The following TRHDE variants were observed in gnomAD, a reference collection of about 807,000 sequenced individuals.
The protein encoded by TRHDE is thyrotropin releasing hormone degrading enzyme.
In TRHDE, 72 loss-of-function variants were observed where a neutral mutation model predicts 125.7. The ratio of observed to expected loss-of-function variants is 0.57; its 90% confidence interval spans 0.47 to 0.70. The LOEUF (loss-of-function observed/expected upper bound fraction) is 0.70. Ranked by LOEUF, TRHDE falls within the 30% of genes least tolerant of loss-of-function variation. The pLI is 0.00. For missense variants in TRHDE, 1,110 were observed against 1,327.1 expected, an observed-to-expected ratio of 0.84 and a Z score of 2.54; for synonymous variants, 509 against 509.1, an observed-to-expected ratio of 1.00 and a Z score of 0.00.
intron 5 of TRHDE, among the ~76,000 whole-genome samples, chr12:72,481,559 T>G (rs1450710132): frequency 6.7e-6 from 1 of 149,004 alleles, no homozygotes; most frequent in African/African-American, 2.5e-5. Context: ...TTCTCTACAG[T>G]CTTTTTTTTT....
intron 6 of TRHDE, among the ~76,000 whole-genome samples, chr12:72,534,909 G>T (rs1472631413): frequency 6.6e-6 from 1 of 152,000 alleles, no homozygotes; most frequent in Non-Finnish European, 1.5e-5. Context: ...GGGAAGAAGA[G>T]CTTAACCAGT....
chr12:72,549,594 T>C (rs1328699947), intron 7 of TRHDE, among the ~76,000 whole-genome samples: 2 of 151,866 alleles, frequency 1.3e-5, no homozygotes, highest in African/African-American at 2.4e-5. Flanking sequence ...TTCAATGTCA[T>C]ATGATAATAA....
At chr12:72,238,291 T>C (rs184613984) in intron 2 of TRHDE, among the ~76,000 whole-genome samples, 10 of 28,568 alleles carry the variant, frequency 3.5e-4, no homozygotes, top group Non-Finnish European at 5.1e-4. Context: ...TATATATATA[T>C]ATATATATAT....
At chr12:72,512,654 A>G (rs1038831982) in intron 6 of TRHDE, among the ~76,000 whole-genome samples, 11 of 143,984 alleles carry the variant, frequency 7.6e-5, no homozygotes, top group African/African-American at 2.5e-4. Flanking sequence ...AATCATATAT[A>G]ATATATAATA....
At chr12:72,160,068 G>A (rs957102510) in intron 2 of TRHDE, among the ~76,000 whole-genome samples, 4 of 151,728 alleles carry the variant, frequency 2.6e-5, no homozygotes, top group Non-Finnish European at 5.9e-5. Flanking sequence ...CTTCTTTAAG[G>A]GGACAGAATT....
chr12:72,414,945 A>T (rs1414384308), intron 3 of TRHDE, among the ~76,000 whole-genome samples: 1 of 152,112 alleles, frequency 6.6e-6, no homozygotes, highest in Non-Finnish European at 1.5e-5. Context: ...CTAAAATCAC[A>T]TCATTAGTAA....
intron 3 of TRHDE, among the ~76,000 whole-genome samples, chr12:72,410,501 A>T (rs899032444): frequency 1.3e-4 from 20 of 152,158 alleles, no homozygotes; most frequent in African/African-American, 4.6e-4. Context: ...TCTAAGCAAA[A>T]TTTCGCAAAT....
intron 1 of TRHDE, among the ~76,000 whole-genome samples, chr12:72,098,146 G>A (rs1874979573): frequency 6.6e-6 from 1 of 152,046 alleles, no homozygotes; most frequent in South Asian, 2.1e-4. Flanking sequence ...GCCTTCCAAA[G>A]TGCTAGAATT....
At chr12:72,091,819 T>C (rs1014804856) in intron 1 of TRHDE, among the ~76,000 whole-genome samples, 1 of 152,218 alleles carries the variant, frequency 6.6e-6, no homozygotes. Context: ...TTAGTAATCA[T>C]ATGAACCTAT....
intron 2 of TRHDE, among the ~76,000 whole-genome samples, chr12:72,373,853 A>T (rs1044594623): frequency 5.9e-5 from 9 of 152,266 alleles, no homozygotes; most frequent in Middle Eastern, 3.4e-3. Context: ...CCAGAGAGCT[A>T]AAAGGGATTA....
intron 2 of TRHDE, among the ~76,000 whole-genome samples, chr12:72,348,894 CTT>C (rs1870453071): frequency 6.6e-6 from 1 of 151,648 alleles, no homozygotes; most frequent in African/African-American, 2.4e-5. Flanking sequence ...TAGTAGAGCT[CTT>C]TTTTTGCTAA....
intron 2 of TRHDE, among the ~76,000 whole-genome samples, chr12:72,159,549 A>G (rs1290422395): frequency 2.0e-5 from 3 of 152,242 alleles, no homozygotes; most frequent in African/African-American, 7.2e-5. Context: ...AAGATGATAT[A>G]TAATTATTTT....
At chr12:72,136,643 T>G (rs1875992184) in intron 2 of TRHDE, among the ~76,000 whole-genome samples, 1 of 152,236 alleles carries the variant, frequency 6.6e-6, no homozygotes, top group Non-Finnish European at 1.5e-5. Context: ...AGTACTTTGC[T>G]GATGGCAATA....
At chr12:72,586,818 A>G (rs1409854352) in intron 12 of TRHDE, among the ~76,000 whole-genome samples, 1 of 152,096 alleles carries the variant, frequency 6.6e-6, no homozygotes, top group African/African-American at 2.4e-5. Context: ...AGAGTTTGCA[A>G]TAAGGAAGAA....
intron 2 of TRHDE, among the ~76,000 whole-genome samples, chr12:72,309,031 T>C (rs1868416232): frequency 6.6e-6 from 1 of 152,184 alleles, no homozygotes; most frequent in African/African-American, 2.4e-5. Context: ...ATGTACGGGA[T>C]GGCACCCTTT....
At chr12:72,445,706 T>G (rs577624636) in intron 3 of TRHDE, among the ~76,000 whole-genome samples, 3 of 152,120 alleles carry the variant, frequency 2.0e-5, no homozygotes, top group East Asian at 3.9e-4. Flanking sequence ...GATCAGACAT[T>G]ACAAATGGAC....
intron 2 of TRHDE, among the ~76,000 whole-genome samples, chr12:72,348,580 C>T (rs991535832): frequency 6.6e-6 from 1 of 151,940 alleles, no homozygotes; most frequent in Non-Finnish European, 1.5e-5. Flanking sequence ...TCTGTTTGCC[C>T]TACTCTTCTT....
At chr12:72,524,340 G>T (rs1426059309) in intron 6 of TRHDE, among the ~76,000 whole-genome samples, 1 of 152,012 alleles carries the variant, frequency 6.6e-6, no homozygotes, top group Non-Finnish European at 1.5e-5. Flanking sequence ...CCAGAAAATC[G>T]TTCATATCAT....
intron 2 of TRHDE, among the ~76,000 whole-genome samples, chr12:72,261,115 C>T (rs1408769094): frequency 3.9e-5 from 6 of 152,106 alleles, no homozygotes; most frequent in African/African-American, 1.4e-4. Flanking sequence ...GATATTTTCC[C>T]CCTTTCTTTC....
Sources: gnomAD v4.1 joint callset for allele counts (sites outside exome capture counted in the v4.1 genomes callset) on GRCh38, gnomAD v4.1.1 for gene constraint, MANE v1.5 for transcripts, NCBI Gene and HGNC (gene_info 2026-07-23, HGNC 2026-07-21) for gene names.